The following GABRA3 variants were observed in gnomAD, a reference collection of about 807,000 sequenced individuals.
GABRA3 encodes gamma-aminobutyric acid receptor subunit alpha-3.
GABRA3 carries 10 observed loss-of-function variants against 30.1 expected under a neutral mutation model. That is an observed-to-expected ratio of 0.33 (90% CI 0.20 to 0.56). The LOEUF is 0.56. GABRA3 is among the 20% of genes least tolerant of loss of function. The pLI is 0.89. For synonymous variants in GABRA3, 151 were observed against 146.8 expected (o/e 1.03, Z -0.21); for missense variants, 233 against 392.0 (o/e 0.59, Z 3.42).
chrX:152,399,019 G>A (rs1236657774), intron 1 of GABRA3, among the ~76,000 whole-genome samples: 1 of 111,007 alleles, frequency 9.0e-6, no homozygotes, highest in Non-Finnish European at 1.9e-5. Flanking sequence ...GGCTTGGGGA[G>A]AACTAATTTC....
chrX:152,166,491 G>A lies in GABRA3; in HGVS notation c.*1737C>T, dbSNP rs1482080463. ...TATCCCAGCAATGGCAAGGAAGCAG[G>A]GGACGGGGAAAGGATGGATGAAAAG... On this transcript the variant is annotated 3_prime_UTR_variant, in exon 10 of 10. Transcript: ENST00000370314. 3 of 109,907 alleles carry A rather than the reference G, an allele frequency of 2.7e-5. No individual in the cohort carries two copies. The highest frequency in any genetic ancestry group is 1.0e-4 in the African/African-American group (3 of 30,080). The allele number at this position is 109,907 out of a possible 1,213,427, so 9.1% of individuals were successfully genotyped here.
At chrX:152,179,533 C>G (rs1373329273) in intron 9 of GABRA3, among the ~76,000 whole-genome samples, 1 of 103,300 alleles carries the variant, frequency 9.7e-6, no homozygotes, top group Non-Finnish European at 2.0e-5. Flanking sequence ...CTCGCTCTGT[C>G]GCTCAGGCTG....
At position 152,252,149 on chromosome X, in the gene GABRA3, T is replaced by G. The variant is rs1421001853; in HGVS notation, c.551+3629A>C. On this transcript the variant is annotated intron_variant, in intron 5 of 9. Transcript: ENST00000370314. ...AGCTATGATACCTCCCTCCCTTTCA[T>G]TTTTCAAACAAGCTTCTCGAAGGTA... Among the ~76,000 whole-genome samples the G allele has an allele frequency of 4.5e-5, 5 of 111,221 alleles. No individual in the cohort carries two copies. The East Asian group carries it at 1.4e-3, about 32-fold the overall frequency.
chrX:152,216,171 A>G (rs924676045), intron 6 of GABRA3, among the ~76,000 whole-genome samples: 2 of 110,823 alleles, frequency 1.8e-5, no homozygotes, highest in Admixed American at 9.6e-5. Flanking sequence ...CAGTATGAAA[A>G]AAAGTATTGA....
intron 1 of GABRA3, chrX:152,389,201 C>T (rs1280160192): frequency 1.8e-5 from 2 of 111,970 alleles, no homozygotes; most frequent in Non-Finnish European, 3.8e-5. Context: ...AAGAAAACCT[C>T]GGCATAGATC....
chrX:152,197,992 C>T (rs989345205), intron 7 of GABRA3, among the ~76,000 whole-genome samples: 2 of 111,333 alleles, frequency 1.8e-5, no homozygotes, highest in Admixed American at 1.9e-4. Flanking sequence ...TGTACCAATA[C>T]AGCTTGCTCG....
At chrX:152,328,016 G>C (rs1379911997) in intron 3 of GABRA3, among the ~76,000 whole-genome samples, 1 of 111,325 alleles carries the variant, frequency 9.0e-6, no homozygotes, top group African/African-American at 3.3e-5. Flanking sequence ...TGATAAAGGG[G>C]ATATCACCAC....
At chrX:152,183,491 A>G (rs1603201602) in intron 9 of GABRA3, among the ~76,000 whole-genome samples, 1 of 53,718 alleles carries the variant, frequency 1.9e-5, no homozygotes, top group Non-Finnish European at 3.3e-5. Flanking sequence ...TTATCTTTTG[A>G]AAAAAAAACA....
chrX:152,333,952 T>G (rs1940198090), intron 3 of GABRA3, among the ~76,000 whole-genome samples: 1 of 111,466 alleles, frequency 9.0e-6, no homozygotes, highest in Non-Finnish European at 1.9e-5. Context: ...CAAGATAATC[T>G]TGAAAATAAC....
chrX:152,419,196 A>T (rs1158403276), intron 1 of GABRA3, among the ~76,000 whole-genome samples: 2 of 111,303 alleles, frequency 1.8e-5, no homozygotes, highest in African/African-American at 6.5e-5. Context: ...ATGTTAAATG[A>T]CGAGTTACTG....
At chrX:152,386,661 G>A (rs1392100877) in intron 1 of GABRA3, among the ~76,000 whole-genome samples, 3 of 107,426 alleles carry the variant, frequency 2.8e-5, no homozygotes, top group Non-Finnish European at 5.8e-5. Flanking sequence ...GTGCTGGAGA[G>A]GATGTGGAGA....
intron 8 of GABRA3, among the ~76,000 whole-genome samples, chrX:152,196,441 A>T (rs1937390299): frequency 9.2e-6 from 1 of 109,193 alleles, no homozygotes; most frequent in South Asian, 4.0e-4. Flanking sequence ...AAAGGAAGGA[A>T]GGAAGGAAGA....
chrX:152,221,704 A>G (rs1283113266), intron 6 of GABRA3, among the ~76,000 whole-genome samples: 2 of 111,678 alleles, frequency 1.8e-5, no homozygotes, highest in Non-Finnish European at 3.8e-5. Context: ...CAAATTACAC[A>G]TTGCAATTTC....
At chrX:152,275,158 TTA>T (rs752493127) in intron 4 of GABRA3, among the ~76,000 whole-genome samples, 24 of 79,956 alleles carry the variant, frequency 3.0e-4, no homozygotes, top group South Asian at 1.1e-3. Flanking sequence ...ATATTTAATA[TTA>T]TATATATAAT....
intron 1 of GABRA3, among the ~76,000 whole-genome samples, chrX:152,385,138 C>A (rs963636877): frequency 9.0e-6 from 1 of 111,556 alleles, no homozygotes. Context: ...TAATGAAGCA[C>A]AAGAGATCTC....
At chrX:152,370,674 T>C (rs1427253751) in intron 1 of GABRA3, among the ~76,000 whole-genome samples, 1 of 111,675 alleles carries the variant, frequency 9.0e-6, no homozygotes, top group Non-Finnish European at 1.9e-5. Flanking sequence ...TACAGGTCTA[T>C]TATTTGACCT....
intron 9 of GABRA3, among the ~76,000 whole-genome samples, chrX:152,188,340 T>G (rs1937282239): frequency 9.0e-6 from 1 of 111,382 alleles, no homozygotes; most frequent in African/African-American, 3.3e-5. Flanking sequence ...GACTAAACAA[T>G]TATAGGATTT....
At chrX:152,279,617 A>C (rs186246575) in intron 4 of GABRA3, among the ~76,000 whole-genome samples, 16 of 110,972 alleles carry the variant, frequency 1.4e-4, no homozygotes, top group Admixed American at 8.7e-4. Context: ...TCCATATGAA[A>C]TTTAAAGTAG....
At chrX:152,278,898 T>TA (rs1269158329) in intron 4 of GABRA3, among the ~76,000 whole-genome samples, 4 of 112,371 alleles carry the variant, frequency 3.6e-5, no homozygotes, top group African/African-American at 1.3e-4. Context: ...TTTGGCTGCA[T>TA]AAATGTCTTC....
Sources: allele counts gnomAD v4.1 joint callset (sites outside exome capture counted in the v4.1 genomes callset), GRCh38; gene constraint gnomAD v4.1.1; transcripts MANE v1.5; gene names NCBI Gene and HGNC (gene_info 2026-07-23, HGNC 2026-07-21).